Variants in CELF2 observed in about 807,000 individuals in gnomAD.
The protein encoded by CELF2 is CUG triplet repeat RNA-binding protein 2.
A neutral mutation model predicts 62.6 loss-of-function variants in CELF2; 8 were observed. The ratio of observed to expected loss-of-function variants is 0.13; its 90% CI spans 0.07 to 0.23. The LOEUF is 0.23. Among genes scored for constraint, CELF2 ranks in the 10% least tolerant of loss-of-function variants. The pLI, the probability that CELF2 is intolerant of heterozygous loss-of-function variation, is 1.00. For missense variants in CELF2, 333 were observed against 671.0 expected, an observed-to-expected ratio of 0.50 and a Z score of 5.56; for synonymous variants, 258 against 250.0, an observed-to-expected ratio of 1.03 and a Z score of -0.30.
intron 1 of CELF2, among the ~76,000 whole-genome samples, chr10:11,109,455 C>T (rs563075843): frequency 9.9e-5 from 15 of 152,272 alleles, no homozygotes; most frequent in Non-Finnish European, 1.9e-4. Context: ...ATCTAGAATT[C>T]GAAAGCTGCA....
At chr10:10,618,056 C>A in the CELF2 span, among the ~76,000 whole-genome samples, 1 of 152,052 alleles carries the variant, frequency 6.6e-6, no homozygotes, top group African/African-American at 2.4e-5. Context: ...GCTCTCTCCA[C>A]CCCCAGGGCT....
intron 1 of CELF2, among the ~76,000 whole-genome samples, chr10:11,035,750 C>T (rs916661877): frequency 2.6e-5 from 4 of 152,270 alleles, no homozygotes; most frequent in Admixed American, 1.3e-4. Context: ...TTTGTTATTC[C>T]GTTCAGCCAT....
the CELF2 span, among the ~76,000 whole-genome samples, chr10:10,731,709 A>T: frequency 6.6e-6 from 1 of 152,174 alleles, no homozygotes; most frequent in Non-Finnish European, 1.5e-5. Context: ...CTTTCAATCA[A>T]TAGCATATTT....
In CELF2 at chr10:11,037,719, G is replaced by A. The variant is rs1022608449; in HGVS notation, c.74+19556G>A. Among the ~76,000 whole-genome samples the A allele has an allele frequency of 5.9e-5, 9 of 152,324 alleles. No individual in the cohort carries two copies. The South Asian group carries it at 1.9e-3, about 32-fold the overall frequency. ...TATTAGACTCAGTATTGTACGAGGT[G>A]AAGGTTCCTCGTGGCCTAGCTTGGG... On this transcript the variant is annotated intron_variant, in intron 1 of 12. Transcript: ENST00000633077.
chr10:10,914,249 T>C (rs2064119307), intron 1 of CELF2, among the ~76,000 whole-genome samples: 2 of 152,160 alleles, frequency 1.3e-5, no homozygotes, highest in Admixed American at 1.3e-4. Context: ...TGGGGGCTCA[T>C]GTCTTGTGTT....
At chr10:11,019,335 A>G (rs1441590518) in intron 1 of CELF2, among the ~76,000 whole-genome samples, 3 of 152,198 alleles carry the variant, frequency 2.0e-5, no homozygotes, top group African/African-American at 7.2e-5. Context: ...TGAGAAAAAA[A>G]TGGATTGGTA....
chr10:11,313,771 TTACTCA>T (rs745528571), intron 9 of CELF2, among the ~76,000 whole-genome samples: 2 of 149,480 alleles, frequency 1.3e-5, no homozygotes, highest in Non-Finnish European at 3.0e-5. Flanking sequence ...AAGGCCCATC[TTACTCA>T]TGCCCATAGG....
chr10:10,967,802 G>A (rs568189389), intron 2 of CELF2, among the ~76,000 whole-genome samples: 1 of 152,296 alleles, frequency 6.6e-6, no homozygotes, highest in East Asian at 1.9e-4. Context: ...CATGACTGGA[G>A]TTCGGCCAAG....
intron 1 of CELF2, among the ~76,000 whole-genome samples, chr10:11,018,518 C>T (rs1250375218): frequency 6.7e-6 from 1 of 149,298 alleles, no homozygotes; most frequent in African/African-American, 2.5e-5. Flanking sequence ...GCGCGAGGAC[C>T]CGCGAGCAGG....
At chr10:10,673,683 T>TC in the CELF2 span, among the ~76,000 whole-genome samples, 1 of 152,310 alleles carries the variant, frequency 6.6e-6, no homozygotes, top group South Asian at 2.1e-4. Context: ...TGCTATAAAT[T>TC]CCCCTCAAAG....
At chr10:11,266,515 A>G in intron 5 of CELF2, 83 bp from the exon 6 acceptor site, 1 of 960,080 alleles carries the variant, frequency 1.0e-6, no homozygotes, top group Non-Finnish European at 1.7e-6. Context: ...GTTCTCGTAG[A>G]CTGTGTTGGT....
At chr10:10,523,619 C>T in the CELF2 span, among the ~76,000 whole-genome samples, 98 of 151,970 alleles carry the variant, frequency 6.4e-4, no homozygotes, top group African/African-American at 2.2e-3. Context: ...ATCCTTGCAA[C>T]GGGGCTGGGG....
rs981540821 is a variant in CELF2 at position 11,331,137 on chromosome 10, C to G, written c.*2084C>G. ...CATGGTTTAATGCACATGAAATTAC[C>G]TATATTTTATACTGTTTCAATGTAC... is the stretch of plus-strand genomic sequence containing the variant. On this transcript the variant is annotated 3_prime_UTR_variant, in exon 13 of 13. Transcript: ENST00000633077. 1 of 152,348 alleles carries G rather than the reference C, an allele frequency of 6.6e-6. No individual in the cohort carries two copies. The highest frequency in any genetic ancestry group is 1.5e-5 in the Non-Finnish European group (1 of 67,980). The allele number at this position is 152,348 out of a possible 1,614,324, so 9.4% of individuals were successfully genotyped here.
chr10:10,534,267 A>C, the CELF2 span, among the ~76,000 whole-genome samples: 2 of 151,606 alleles, frequency 1.3e-5, no homozygotes, highest in Non-Finnish European at 2.9e-5. Context: ...AGGAAAAAGC[A>C]GGCACTAAGT....
At position 11,288,433 on chromosome 10, in the gene CELF2, A is replaced by G; in HGVS notation, c.857A>G (p.Gln286Arg). 1 of 1,614,138 alleles carries G rather than the reference A, an allele frequency of 6.2e-7. No homozygotes were observed. The highest frequency in any genetic ancestry group is 8.5e-7 in the Non-Finnish European group (1 of 1,180,038). ...IQQMAGMNAL[Q>R]LQNLATLAAA... ...CCCTCCACAGGCATGAATGCTTTAC[A>G]GTTGCAGAACCTGGCGACGCTGGCT... is the stretch of plus-strand genomic sequence containing the variant. Residue 286 changes from glutamine to arginine, a missense_variant, in exon 9 of 13, where the codon CAG (glutamine) becomes CGG (arginine). Gln to Arg is a conservative substitution (Grantham distance 43, BLOSUM62 1). This residue lies in a region of CELF2 where 253 missense variants were observed against 503.0 expected (regional missense o/e 0.50). Coordinates refer to ENST00000633077, the MANE Select transcript of CELF2 (RefSeq NM_001326342.2).
the CELF2 span, among the ~76,000 whole-genome samples, chr10:10,755,604 A>T: frequency 5.7e-4 from 87 of 152,336 alleles, 2 homozygotes; most frequent in South Asian, 0.017. Flanking sequence ...CAAAGGGAAA[A>T]GAGAAAGAGA....
At chr10:10,663,410 C>A in the CELF2 span, among the ~76,000 whole-genome samples, 1 of 152,144 alleles carries the variant, frequency 6.6e-6, no homozygotes, top group African/African-American at 2.4e-5. Flanking sequence ...TGATAGAGAA[C>A]AAGTTTCAAG....
chr10:10,744,587 C>T, the CELF2 span, among the ~76,000 whole-genome samples: 2 of 152,152 alleles, frequency 1.3e-5, no homozygotes, highest in Admixed American at 6.5e-5. Flanking sequence ...CTGCCCTATA[C>T]GGCAAATCCC....
At chr10:11,210,347 C>T (rs778113893) in intron 2 of CELF2, among the ~76,000 whole-genome samples, 7 of 152,164 alleles carry the variant, frequency 4.6e-5, no homozygotes, top group Non-Finnish European at 8.8e-5. Flanking sequence ...TGGACAGGCC[C>T]GTCTTGACCC....
Sources: gnomAD v4.1 joint callset for allele counts (sites outside exome capture counted in the v4.1 genomes callset) on GRCh38, gnomAD v4.1.1 for gene constraint, gnomAD v4.1.1 regional missense constraint, MANE v1.5 for transcripts, NCBI Gene and HGNC (gene_info 2026-07-23, HGNC 2026-07-21) for gene names.